DGKI: variants seen among roughly 807,000 people sequenced by gnomAD.
DGKI encodes the protein DAG kinase iota.
In DGKI, 55 loss-of-function variants were observed where a neutral mutation model predicts 147.5. The ratio of observed to expected loss-of-function variants is 0.37; its 90% CI spans 0.30 to 0.47. The LOEUF is 0.47. Among genes scored for constraint, DGKI ranks in the 20% least tolerant of loss-of-function variants. DGKI has a pLI of 1.00. For missense variants in DGKI, 1,007 were observed against 1,323.8 expected, an observed-to-expected ratio of 0.76 and a Z score of 3.71; for synonymous variants, 469 against 477.1, an observed-to-expected ratio of 0.98 and a Z score of 0.22.
intron 19 of DGKI, among the ~76,000 whole-genome samples, chr7:137,552,871 A>C (rs1585224083): frequency 6.6e-6 from 1 of 152,212 alleles, no homozygotes; most frequent in Admixed American, 6.5e-5. Context: ...GCCGAGGTCA[A>C]GCCGCTGCAC....
rs113585619 is a variant in DGKI at position 137,384,703 on chromosome 7, T to A, written c.*6517A>T. 4 of 152,072 alleles carry A rather than the reference T, an allele frequency of 2.6e-5. No individual in the cohort carries two copies. Among genetic ancestry groups the A allele is most frequent in the Non-Finnish European group, 4.4e-5 (3 of 67,988 alleles). The allele number at this position is 152,072 out of a possible 1,614,324, so 9.4% of individuals were successfully genotyped here. On this transcript the variant is annotated 3_prime_UTR_variant, in exon 33 of 33. Transcript: ENST00000614521. ...ATACATCATAACGCTAAAGCACTTT[T>A]TAATTCTTGAAACTGTTCTTAACAA... is the stretch of plus-strand genomic sequence containing the variant.
intron 10 of DGKI, among the ~76,000 whole-genome samples, chr7:137,607,117 A>G (rs1329311077): frequency 6.6e-6 from 1 of 152,176 alleles, no homozygotes; most frequent in Admixed American, 6.5e-5. Flanking sequence ...CACAGTAAAG[A>G]GCAGGAAAAG....
intron 5 of DGKI, among the ~76,000 whole-genome samples, chr7:137,653,729 G>C (rs547425281): frequency 7.9e-5 from 12 of 152,274 alleles, no homozygotes; most frequent in Admixed American, 2.6e-4. Context: ...ACCAGCTGGG[G>C]AGGTTTCCAA....
intron 8 of DGKI, among the ~76,000 whole-genome samples, chr7:137,617,124 CAAAAAAAAAAAAAA>C (rs60654879): frequency 1.0e-4 from 5 of 48,130 alleles, no homozygotes; most frequent in Non-Finnish European, 2.4e-4. Context: ...TCCCTTTTAC[CAAAAAAAAAAAAAA>C]AAAAAAAAAA....
chr7:137,656,647 C>T (rs1331777019), intron 3 of DGKI, 107 bp from the exon 4 acceptor site: 5 of 1,007,596 alleles, frequency 5.0e-6, no homozygotes, highest in East Asian at 5.0e-5. Context: ...ATACAGCAAA[C>T]ATTGTAATTA....
At chr7:137,701,548 T>C (rs1262504468) in intron 1 of DGKI, among the ~76,000 whole-genome samples, 6 of 152,146 alleles carry the variant, frequency 3.9e-5, no homozygotes, top group African/African-American at 1.4e-4. Context: ...TTTCTGTATA[T>C]ATGCAACCAC....
intron 10 of DGKI, among the ~76,000 whole-genome samples, chr7:137,607,729 T>C (rs896164929): frequency 6.6e-6 from 1 of 151,872 alleles, no homozygotes. Flanking sequence ...CCCAAGAGAG[T>C]GGGTATTGTT....
chr7:137,463,711 G>A (rs1443687854), intron 26 of DGKI, 100 bp from the exon 27 acceptor site: 2 of 1,394,014 alleles, frequency 1.4e-6, no homozygotes, highest in Non-Finnish European at 2.0e-6. Context: ...AATGTGAGAA[G>A]CAAAATTCAT....
intron 28 of DGKI, among the ~76,000 whole-genome samples, chr7:137,434,392 C>A (rs952240945): frequency 1.3e-5 from 2 of 152,026 alleles, no homozygotes; most frequent in Admixed American, 1.3e-4. Context: ...CCAGGCTGAC[C>A]AACATGGTGA....
intron 5 of DGKI, among the ~76,000 whole-genome samples, chr7:137,648,099 G>A (rs1821893054): frequency 6.6e-6 from 1 of 152,064 alleles, no homozygotes; most frequent in Non-Finnish European, 1.5e-5. Context: ...ACAGTCAGTA[G>A]TAGAAATATT....
intron 12 of DGKI, among the ~76,000 whole-genome samples, chr7:137,588,756 G>C (rs950570358): frequency 6.6e-6 from 1 of 152,218 alleles, no homozygotes; most frequent in South Asian, 2.1e-4. Flanking sequence ...GATTACAGGC[G>C]TGAGCCACCG....
chr7:137,797,921 A>T (rs1797083084), intron 1 of DGKI, among the ~76,000 whole-genome samples: 1 of 152,060 alleles, frequency 6.6e-6, no homozygotes, highest in South Asian at 2.1e-4. Flanking sequence ...GCAAAATCAA[A>T]AGTTGATTCT....
intron 5 of DGKI, among the ~76,000 whole-genome samples, chr7:137,653,149 C>T (rs1403146894): frequency 3.3e-5 from 5 of 152,138 alleles, no homozygotes; most frequent in Non-Finnish European, 5.9e-5. Flanking sequence ...TGTGTGCGCG[C>T]GCGTGCGCGC....
chr7:137,678,649 T>C lies in DGKI; in HGVS notation c.514A>G (p.Asn172Asp). 1 of 1,613,954 alleles carries C rather than the reference T, an allele frequency of 6.2e-7. No homozygotes were observed. The highest frequency in any genetic ancestry group is 8.5e-7 in the Non-Finnish European group (1 of 1,179,958). ...CACAGGTGTTCTCCATTCACGGCAT[T>C]CTCCTGCAAGGAAAAGACCCACCTG... is the stretch of plus-strand genomic sequence containing the variant. Reference protein sequence around the residue: ...EPRATLDWSENAVNGEHLWLE... With the variant: ...EPRATLDWSEDAVNGEHLWLE... The change falls in exon 3 of 33, where the codon AAT becomes GAT. Residue 172 changes from asparagine to aspartate, a missense_variant. Transcript: ENST00000614521.
intron 1 of DGKI, among the ~76,000 whole-genome samples, chr7:137,725,602 TA>T (rs34222832): frequency 5.7e-4 from 84 of 147,322 alleles, no homozygotes; most frequent in Admixed American, 5.4e-4. Context: ...TTGTTTTCTT[TA>T]AAAAAAAAAA....
At chr7:137,645,168 C>T (rs1203916775) in intron 6 of DGKI, among the ~76,000 whole-genome samples, 1 of 152,192 alleles carries the variant, frequency 6.6e-6, no homozygotes, top group Non-Finnish European at 1.5e-5. Context: ...TACGATGAGC[C>T]AGTTGTCTTC....
At chr7:137,799,125 T>C (rs1797120343) in intron 1 of DGKI, among the ~76,000 whole-genome samples, 1 of 152,190 alleles carries the variant, frequency 6.6e-6, no homozygotes, top group Admixed American at 6.5e-5. Flanking sequence ...TTTCATCACT[T>C]CTATTCAACA....
intron 27 of DGKI, among the ~76,000 whole-genome samples, chr7:137,457,778 G>A (rs1249489964): frequency 6.6e-6 from 1 of 151,778 alleles, no homozygotes; most frequent in African/African-American, 2.4e-5. Flanking sequence ...TACACAATGA[G>A]GAAGGACAAA....
intron 30 of DGKI, among the ~76,000 whole-genome samples, chr7:137,406,146 G>A (rs2128897984): frequency 6.6e-6 from 1 of 151,860 alleles, no homozygotes; most frequent in South Asian, 2.1e-4. Flanking sequence ...GTAAACTAAA[G>A]AGAGTAGATT....
Sources: allele counts gnomAD v4.1 joint callset (sites outside exome capture counted in the v4.1 genomes callset), GRCh38; gene constraint gnomAD v4.1.1; transcripts MANE v1.5; gene names NCBI Gene and HGNC (gene_info 2026-07-23, HGNC 2026-07-21).